VPS54: variants seen among roughly 807,000 people sequenced by gnomAD.
VPS54 encodes VPS54 subunit of GARP complex.
In VPS54, 45 loss-of-function variants were observed where a neutral mutation model predicts 121.5. That is an observed-to-expected ratio of 0.37 (90% confidence interval 0.29 to 0.47). The LOEUF is 0.47. VPS54 is among the 20% of genes least tolerant of loss of function. The pLI, the probability that VPS54 is intolerant of heterozygous loss-of-function variation, is 0.99. For missense variants in VPS54, 1,090 were observed against 1,131.4 expected, an observed-to-expected ratio of 0.96 and a Z score of 0.52; for synonymous variants, 371 against 385.8, an observed-to-expected ratio of 0.96 and a Z score of 0.45.
intron 1 of VPS54, 38 bp from the exon 2 acceptor site, chr2:63,984,057 A>T: frequency 6.7e-7 from 1 of 1,495,002 alleles, no homozygotes; most frequent in Non-Finnish European, 9.0e-7. Context: ...AGACACCGCA[A>T]ATCAAAATCC....
intron 6 of VPS54, among the ~76,000 whole-genome samples, chr2:63,963,512 T>C (rs1675859993): frequency 6.6e-6 from 1 of 152,122 alleles, no homozygotes; most frequent in Non-Finnish European, 1.5e-5. Context: ...TTCAAAGGGT[T>C]AATGAACTTT....
chr2:63,984,258 T>C (rs1451084134), intron 1 of VPS54, among the ~76,000 whole-genome samples: 1 of 152,206 alleles, frequency 6.6e-6, no homozygotes, highest in Non-Finnish European at 1.5e-5. Flanking sequence ...GTACAAAAAA[T>C]ACCAAGGTTG....
At chr2:63,977,713 C>T (rs1676612542) in intron 3 of VPS54, among the ~76,000 whole-genome samples, 1 of 152,204 alleles carries the variant, frequency 6.6e-6, no homozygotes, top group Non-Finnish European at 1.5e-5. Context: ...GATTCTGATA[C>T]TTGATCTGTC....
At chr2:64,002,365 T>G (rs1407798742) in intron 1 of VPS54, among the ~76,000 whole-genome samples, 7 of 152,220 alleles carry the variant, frequency 4.6e-5, no homozygotes. Flanking sequence ...GTTGTTAAAT[T>G]TGGTGTTCCT....
At chr2:63,897,467 G>T in intron 22 of VPS54, 29 bp downstream of exon 22, 3 of 1,392,430 alleles carry the variant, frequency 2.2e-6, no homozygotes, top group Non-Finnish European at 3.0e-6. Context: ...CGATATGGGA[G>T]TATATGGTGA....
At chr2:64,005,102 T>C (rs1191204708) in intron 1 of VPS54, among the ~76,000 whole-genome samples, 2,396 of 101,052 alleles carry the variant, frequency 0.024, 122 homozygotes, top group African/African-American at 0.092. Context: ...TTTTTTTTTT[T>C]TTTTTTTTTT....
At chr2:63,917,482 AC>A (rs1439320422) in intron 15 of VPS54, among the ~76,000 whole-genome samples, 1 of 152,042 alleles carries the variant, frequency 6.6e-6, no homozygotes, top group East Asian at 1.9e-4. Context: ...CCCAGACGTT[AC>A]TTTATTTTCA....
intron 11 of VPS54, among the ~76,000 whole-genome samples, chr2:63,939,004 T>C (rs1674593446): frequency 6.6e-6 from 1 of 152,226 alleles, no homozygotes; most frequent in South Asian, 2.1e-4. Flanking sequence ...ATTACTCAAA[T>C]ATGAAATTTA....
At chr2:63,906,420 G>A (rs1328503765) in intron 20 of VPS54, among the ~76,000 whole-genome samples, 2 of 152,152 alleles carry the variant, frequency 1.3e-5, no homozygotes. Flanking sequence ...AAGATACCAT[G>A]TACAATAGCA....
At position 63,917,149 on chromosome 2, in the gene VPS54, T is replaced by A. The variant is rs1375140033; in HGVS notation, c.2165-186A>T. Among the ~76,000 whole-genome samples, 6 of 152,122 alleles carry A rather than the reference T, an allele frequency of 3.9e-5. No individual in the cohort carries two copies. In the South Asian group the frequency reaches 1.2e-3, roughly 31 times the overall value. ...ACTGGAAGTTGGAGAGATTTGGATT[T>A]GAGTACCAGTACTACCAATTACTGG... On this transcript the variant is annotated intron_variant, in intron 15 of 22. Transcript: ENST00000272322.
chr2:63,987,430 T>C (rs1296000119), intron 1 of VPS54, among the ~76,000 whole-genome samples: 1 of 152,214 alleles, frequency 6.6e-6, no homozygotes, highest in Non-Finnish European at 1.5e-5. Flanking sequence ...TATATGCCAA[T>C]ACGTTGTATA....
chr2:63,947,317 A>G (rs1175300455), intron 9 of VPS54, 66 bp downstream of exon 9: 5 of 1,349,964 alleles, frequency 3.7e-6, no homozygotes, highest in African/African-American at 3.0e-5. Flanking sequence ...TATTACTAGG[A>G]TAACATAAAA....
intron 1 of VPS54, 99 bp from the exon 2 acceptor site, chr2:63,984,118 A>C: frequency 2.7e-6 from 3 of 1,096,628 alleles, no homozygotes; most frequent in African/African-American, 1.6e-5. Flanking sequence ...GAATTTTTCA[A>C]AATACCTCAA....
intron 7 of VPS54, among the ~76,000 whole-genome samples, chr2:63,949,941 T>C (rs1675161668): frequency 6.6e-6 from 1 of 152,220 alleles, no homozygotes; most frequent in African/African-American, 2.4e-5. Context: ...CCAGATTGTC[T>C]AATGTCATCT....
At chr2:63,960,656 G>A (rs1675715087) in intron 7 of VPS54, among the ~76,000 whole-genome samples, 1 of 152,152 alleles carries the variant, frequency 6.6e-6, no homozygotes, top group African/African-American at 2.4e-5. Context: ...TACAGTAAGT[G>A]ATAAGTTAAA....
intron 6 of VPS54, 52 bp from the exon 7 acceptor site, chr2:63,962,495 A>C: frequency 6.6e-7 from 1 of 1,513,280 alleles, no homozygotes; most frequent in Non-Finnish European, 8.8e-7. Flanking sequence ...ACCTTCCTTG[A>C]TTATCCAAAT....
chr2:63,897,565 C>T lies in VPS54; in HGVS notation c.2759G>A (p.Ser920Asn). The change falls in exon 22 of 23, where the codon AGT (serine) becomes AAT (asparagine). Residue 920 changes from serine (S) to asparagine (N), a missense_variant. Physicochemically the swap from Ser to Asn is conservative, Grantham distance 46. Coordinates refer to ENST00000272322, the MANE Select transcript of VPS54 (RefSeq NM_016516.3). ...CTGCTTTTTCAAGTGGAGTTTATAA[C>T]TTGCATTAATTCTTAAAAATAACAT... ...TQMLFLRINA[S>N]YKLHLKKQLS... 1 of 1,586,284 alleles carries T rather than the reference C, an allele frequency of 6.3e-7. No individual in the cohort carries two copies. The highest frequency in any genetic ancestry group is 1.7e-4 in the Middle Eastern group (1 of 5,964).
intron 12 of VPS54, among the ~76,000 whole-genome samples, chr2:63,923,086 G>A (rs541562858): frequency 6.6e-6 from 1 of 152,204 alleles, no homozygotes; most frequent in South Asian, 2.1e-4. Flanking sequence ...GGCCGAGGCG[G>A]GCAGATCATG....
chr2:63,931,408 G>A (rs1461083083), intron 12 of VPS54, among the ~76,000 whole-genome samples: 1 of 152,192 alleles, frequency 6.6e-6, no homozygotes, highest in Non-Finnish European at 1.5e-5. Context: ...ATGGGGAAAA[G>A]ATTCCCTATT....
Sources: allele counts gnomAD v4.1 joint callset (sites outside exome capture counted in the v4.1 genomes callset), GRCh38; gene constraint gnomAD v4.1.1; transcripts MANE v1.5; gene names NCBI Gene and HGNC (gene_info 2026-07-23, HGNC 2026-07-21).